The following C12orf42 variants were observed in gnomAD, a reference collection of about 807,000 sequenced individuals.
C12orf42 encodes the protein uncharacterized protein C12orf42.
C12orf42 carries 25 observed loss-of-function variants against 21.6 expected under a neutral mutation model. The ratio of observed to expected loss-of-function variants is 1.16; its 90% confidence interval spans 0.84 to 1.62. The LOEUF (loss-of-function observed/expected upper bound fraction) is 1.62. C12orf42 is among the 40% of genes most tolerant of loss of function. The pLI, the probability that C12orf42 is intolerant of heterozygous loss-of-function variation, is 0.00. For synonymous variants in C12orf42, 174 were observed against 175.0 expected (o/e 0.99, Z 0.05); for missense variants, 483 against 459.3 (o/e 1.05, Z -0.47).
At chr12:103,466,552 G>T (rs547684160) in intron 2 of C12orf42, among the ~76,000 whole-genome samples, 1 of 131,796 alleles carries the variant, frequency 7.6e-6, no homozygotes, top group South Asian at 2.4e-4. Flanking sequence ...AAAAGAAACA[G>T]ATTTCTGTCT....
At chr12:103,157,713 T>C in the C12orf42 span, among the ~76,000 whole-genome samples, 2 of 152,224 alleles carry the variant, frequency 1.3e-5, no homozygotes, top group African/African-American at 2.4e-5. Flanking sequence ...CAGCACCGTT[T>C]ACCGAATAGA....
In C12orf42 at chr12:103,302,463, T is replaced by A; in HGVS notation, c.728A>T (p.Glu243Val). ...QSTGPSNTEL[E>V]PEERMAVPAG... ...TGGGACTGCCATCCTCTCCTCCGGC[T>A]CGAGCTCTGTGTTACTCGGGCCGGT... Residue 243 changes from glutamate (E) to valine (V), a missense_variant, in exon 6 of 6, where the codon GAG becomes GTG. Transcript: ENST00000548883. The A allele has an allele frequency of 6.2e-7, 1 of 1,613,722 alleles. No homozygotes were observed. Among genetic ancestry groups the A allele is most frequent in the Non-Finnish European group, 8.5e-7 (1 of 1,179,844 alleles).
At chr12:103,326,688 A>G (rs1413596740) in intron 4 of C12orf42, among the ~76,000 whole-genome samples, 2 of 152,096 alleles carry the variant, frequency 1.3e-5, no homozygotes, top group African/African-American at 4.8e-5. Flanking sequence ...CATTGGCTCA[A>G]TCTTCTTGTC....
chr12:103,464,627 T>C (rs1025902445), intron 2 of C12orf42, among the ~76,000 whole-genome samples: 1 of 152,228 alleles, frequency 6.6e-6, no homozygotes, highest in Non-Finnish European at 1.5e-5. Context: ...GTTTTCATCA[T>C]GAAATCTTTG....
At chr12:103,419,312 G>A (rs2049656015) in intron 2 of C12orf42, among the ~76,000 whole-genome samples, 1 of 152,128 alleles carries the variant, frequency 6.6e-6, no homozygotes, top group South Asian at 2.1e-4. Flanking sequence ...TTAAGCAAAG[G>A]TGTAAATTTT....
chr12:103,421,014 T>G (rs928019807), intron 2 of C12orf42, among the ~76,000 whole-genome samples: 9 of 152,326 alleles, frequency 5.9e-5, no homozygotes, highest in African/African-American at 2.2e-4. Flanking sequence ...TATTTTATTG[T>G]ACAACTTACT....
chr12:103,116,558 T>C, the C12orf42 span, among the ~76,000 whole-genome samples: 1 of 151,830 alleles, frequency 6.6e-6, no homozygotes, highest in South Asian at 2.1e-4. Context: ...CCAGCAAGAG[T>C]TGTTAATAAA....
At chr12:103,089,000 G>T in the C12orf42 span, among the ~76,000 whole-genome samples, 1 of 151,180 alleles carries the variant, frequency 6.6e-6, no homozygotes, top group Admixed American at 6.6e-5. Flanking sequence ...TACTCGGGAG[G>T]CTGAGGCAGG....
At chr12:103,281,963 G>GAAAGAA (rs1346037433) in intron 4 of C12orf42, among the ~76,000 whole-genome samples, 25 of 149,032 alleles carry the variant, frequency 1.7e-4, no homozygotes, top group South Asian at 4.3e-4. Context: ...AAGAAAGAAA[G>GAAAGAA]AGATCGATCC....
the C12orf42 span, among the ~76,000 whole-genome samples, chr12:103,068,918 T>G: frequency 1.6e-5 from 2 of 124,760 alleles, no homozygotes; most frequent in Admixed American, 1.8e-4. Flanking sequence ...TATAGATATA[T>G]ATATCTCTCT....
chr12:103,206,471 A>G, the C12orf42 span, among the ~76,000 whole-genome samples: 1 of 152,178 alleles, frequency 6.6e-6, no homozygotes, highest in African/African-American at 2.4e-5. Context: ...TGGTAGTTGC[A>G]TAAGTGTTAT....
chr12:103,415,062 G>C (rs924940603), intron 2 of C12orf42, among the ~76,000 whole-genome samples: 1 of 151,566 alleles, frequency 6.6e-6, no homozygotes, highest in Non-Finnish European at 1.5e-5. Flanking sequence ...AAAGTAGAAG[G>C]ATAGAGAAAG....
In C12orf42 at chr12:103,367,081, C is replaced by T. The variant is rs114451676; in HGVS notation, c.259+1806G>A. 3.3e-3 allele frequency among the ~76,000 whole-genome samples: 506 copies of T among 151,090 alleles called. 2 individuals are homozygous for T. The highest frequency in any genetic ancestry group is 0.012 in the African/African-American group (479 of 41,350). The stretch of plus-strand genomic sequence containing the variant: ...TCCATCAATCAACGGGTGGATAAAC[C>T]GTGATATATATATGATGGAATACTA... On this transcript the variant is annotated intron_variant, in intron 4 of 5. Coordinates refer to ENST00000548883, the MANE Select transcript of C12orf42 (RefSeq NM_198521.5).
At chr12:103,419,667 C>A (rs953496484) in intron 2 of C12orf42, among the ~76,000 whole-genome samples, 10 of 152,170 alleles carry the variant, frequency 6.6e-5, no homozygotes, top group African/African-American at 2.4e-4. Context: ...TCCTTCAGAT[C>A]TATTTGTGTC....
chr12:103,167,078 C>T, the C12orf42 span, among the ~76,000 whole-genome samples: 1 of 152,106 alleles, frequency 6.6e-6, no homozygotes, highest in African/African-American at 2.4e-5. Flanking sequence ...GCCTGTGTGT[C>T]ACATTACATC....
chr12:103,326,657 T>C (rs761395900), intron 4 of C12orf42, among the ~76,000 whole-genome samples: 4 of 152,186 alleles, frequency 2.6e-5, no homozygotes, highest in Non-Finnish European at 4.4e-5. Context: ...CTGCTTAGAA[T>C]GCTACTTTCC....
chr12:103,211,954 A>G, the C12orf42 span, among the ~76,000 whole-genome samples: 8 of 152,174 alleles, frequency 5.3e-5, no homozygotes, highest in Admixed American at 5.2e-4. Flanking sequence ...TTTCATAAAG[A>G]GTACATTTAG....
chr12:103,270,626 G>A (rs1053752572), intron 5 of C12orf42, among the ~76,000 whole-genome samples: 3 of 149,404 alleles, frequency 2.0e-5, no homozygotes, highest in Non-Finnish European at 4.4e-5. Flanking sequence ...TGTGCACAAT[G>A]TGCAGGTTAG....
chr12:103,050,154 C>T, the C12orf42 span, among the ~76,000 whole-genome samples: 1 of 152,106 alleles, frequency 6.6e-6, no homozygotes, highest in East Asian at 1.9e-4. Flanking sequence ...CAATGACTAC[C>T]ACAAGTTTAG....
Sources: gnomAD v4.1 joint callset for allele counts (sites outside exome capture counted in the v4.1 genomes callset) on GRCh38, gnomAD v4.1.1 for gene constraint, MANE v1.5 for transcripts, NCBI Gene and HGNC (gene_info 2026-07-23, HGNC 2026-07-21) for gene names.